Variants in CLSPN observed in about 807,000 individuals in gnomAD.
CLSPN encodes the protein claspin.
Under a neutral mutation model 156.3 loss-of-function variants are expected in CLSPN, and 85 were observed. The ratio of observed to expected loss-of-function variants is 0.54; its 90% CI spans 0.46 to 0.65. CLSPN has a LOEUF of 0.65. Among genes scored for constraint, CLSPN ranks in the 30% least tolerant of loss-of-function variants. The probability of loss-of-function intolerance (pLI) is 0.00; values close to 1 mark genes in which losing one functional copy is unlikely to be tolerated. For missense variants in CLSPN, 1,407 were observed against 1,554.9 expected, an observed-to-expected ratio of 0.90 and a Z score of 1.60; for synonymous variants, 534 against 542.4, an observed-to-expected ratio of 0.98 and a Z score of 0.22.
At chr1:35,757,902 A>G (rs1257320546) in intron 8 of CLSPN, among the ~76,000 whole-genome samples, 1 of 152,248 alleles carries the variant, frequency 6.6e-6, no homozygotes, top group Non-Finnish European at 1.5e-5. Context: ...CCATTCAATT[A>G]TCAGACTCAC....
At chr1:35,737,938 G>A in intron 22 of CLSPN, 54 bp downstream of exon 22, 1 of 996,586 alleles carries the variant, frequency 1.0e-6, no homozygotes, top group Non-Finnish European at 1.4e-6. Context: ...CACCTCCAAA[G>A]CTCTACCACT....
intron 8 of CLSPN, among the ~76,000 whole-genome samples, chr1:35,759,756 G>T (rs956322829): frequency 2.0e-5 from 3 of 151,496 alleles, no homozygotes; most frequent in Non-Finnish European, 4.4e-5. Flanking sequence ...GATTGGAAAG[G>T]CAGAAATAAT....
At chr1:35,727,611 C>T (rs1237467263), downstream of CLSPN, among the ~76,000 whole-genome samples, 1 of 152,208 alleles carries the variant, frequency 6.6e-6, no homozygotes, top group Non-Finnish European at 1.5e-5. Context: ...GTCTCAGTTA[C>T]CGGGGCTGTT....
intron 8 of CLSPN, among the ~76,000 whole-genome samples, chr1:35,755,943 C>T (rs1001076043): frequency 2.0e-5 from 3 of 152,114 alleles, no homozygotes; most frequent in Non-Finnish European, 2.9e-5. Flanking sequence ...GGCCTCAAAG[C>T]GAACTTCCCA....
Position 35,760,630 on chromosome 1 carries a change from C to T in CLSPN, c.1291G>A (p.Glu431Lys), listed in dbSNP as rs1266097984. The change falls in exon 8 of 25, where the codon GAA becomes AAA. Residue 431 changes from glutamate to lysine, a missense_variant. This residue lies in a region of CLSPN where 1,096 missense variants were observed against 1,193.0 expected (regional missense o/e 0.92). Transcript: ENST00000318121. ...TGATTGTTCCCGAGGAAGTTGGATT[C>T]CTGTTGCAACACTGAGCTGTCCCCA... The part of the protein sequence containing the change: ...SPGDSSVLQQ[E>K]SNFLGNNHSE... The T allele has an allele frequency of 6.2e-7, 1 of 1,614,202 alleles. No individual in the cohort carries two copies. The highest frequency in any genetic ancestry group is 2.2e-5 in the East Asian group (1 of 44,886).
At chr1:35,743,373 T>G in intron 17 of CLSPN, 82 bp downstream of exon 17, 1 of 1,414,410 alleles carries the variant, frequency 7.1e-7, no homozygotes, top group Non-Finnish European at 9.9e-7. Context: ...CTTAGAATTC[T>G]CAAGAACTGA....
downstream of CLSPN, among the ~76,000 whole-genome samples, chr1:35,730,567 TAAAAAAAAAAAA>T (rs56320150): frequency 1.1e-4 from 7 of 62,028 alleles, no homozygotes; most frequent in South Asian, 5.2e-4. Context: ...GAATCCATAT[TAAAAAAAAAAAA>T]AAAAAAAAAA....
chr1:35,756,453 C>G (rs1642273837), intron 8 of CLSPN, among the ~76,000 whole-genome samples: 1 of 152,190 alleles, frequency 6.6e-6, no homozygotes, highest in African/African-American at 2.4e-5. Flanking sequence ...TTTCTTTGGC[C>G]TTTATTACAT....
intron 14 of CLSPN, 68 bp from the exon 15 acceptor site, chr1:35,747,060 C>G (rs1571203985): frequency 8.4e-7 from 1 of 1,190,420 alleles, no homozygotes; most frequent in Non-Finnish European, 1.2e-6. Context: ...CGGTAGCTCA[C>G]GCCTGTAATC....
rs1269235468 is a variant in CLSPN at position 35,769,959 on chromosome 1, A to C, written c.-89T>G. The C allele has an allele frequency of 1.3e-6, 2 of 1,510,250 alleles. No homozygotes were observed. Among genetic ancestry groups the C allele is most frequent in the Non-Finnish European group, 1.8e-6 (2 of 1,099,156 alleles). 93.6% of individuals were successfully genotyped at this position (1,510,250 alleles called of 1,614,324 possible). Reference sequence around the variant, plus strand: ...CAGCGGCTCCCGCCGTCTCCAGCCCAGCAGTGCTGTTCTTGCTTTCCCGCC... The same window carrying C: ...CAGCGGCTCCCGCCGTCTCCAGCCCCGCAGTGCTGTTCTTGCTTTCCCGCC... On this transcript the variant is annotated 5_prime_UTR_variant, in exon 1 of 25. Coordinates refer to ENST00000318121, the MANE Select transcript of CLSPN (RefSeq NM_022111.4).
intron 3 of CLSPN, 61 bp downstream of exon 3, chr1:35,764,205 A>G (rs988907629): frequency 1.9e-6 from 2 of 1,063,490 alleles, no homozygotes; most frequent in Non-Finnish European, 2.7e-6. Flanking sequence ...AAGTACTAAC[A>G]GCAACCTTTT....
intron 10 of CLSPN, among the ~76,000 whole-genome samples, chr1:35,751,047 T>C (rs563041669): frequency 6.6e-6 from 1 of 151,590 alleles, no homozygotes; most frequent in African/African-American, 2.4e-5. Context: ...TGTATTCAGA[T>C]ATATAATGAT....
chr1:35,737,662 T>C (rs1348982357), intron 22 of CLSPN: 3 of 468,982 alleles, frequency 6.4e-6, no homozygotes, highest in Non-Finnish European at 1.1e-5. Flanking sequence ...AAGAGCTTCA[T>C]TTCTGGAGTT....
chr1:35,757,171 C>T (rs1642298975), intron 8 of CLSPN, among the ~76,000 whole-genome samples: 1 of 152,170 alleles, frequency 6.6e-6, no homozygotes, highest in Non-Finnish European at 1.5e-5. Flanking sequence ...TACCCTTCCT[C>T]TAGGTTCCCA....
At chr1:35,749,959 T>C in intron 10 of CLSPN, 148 bp from the exon 11 acceptor site, 1 of 923,514 alleles carries the variant, frequency 1.1e-6, no homozygotes, top group South Asian at 2.0e-5. Context: ...ATATGACCAT[T>C]ATCAACATAA....
At position 35,749,655 on chromosome 1, in the gene CLSPN, T is replaced by C; in HGVS notation, c.2185A>G (p.Lys729Glu). 1 of 1,614,172 alleles carries C rather than the reference T, an allele frequency of 6.2e-7. No homozygotes were observed. The highest frequency in any genetic ancestry group is 8.5e-7 in the Non-Finnish European group (1 of 1,180,022). Residue 729 changes from lysine to glutamate, a missense_variant, in exon 11 of 25, where the codon AAG becomes GAG. By Grantham distance (56) the Lys-to-Glu change is moderately conservative (BLOSUM62 1). Around this residue, in one of 3 missense-constraint regions of CLSPN, gnomAD observed 1,096 missense variants for 1,193.0 expected, o/e 0.92. Coordinates refer to ENST00000318121, the MANE Select transcript of CLSPN (RefSeq NM_022111.4). ...TACCCCATCTTGGAAGAGCTGTCCT[T>C]AAACAGAAGTAAAGTAGAATCTGAT... is the stretch of plus-strand genomic sequence containing the variant. ...LSSDSTLLLF[K>E]DSSSKMGYFP...
rs1368668508 is a variant in CLSPN at position 35,749,628 on chromosome 1, C to T, written c.2207+5G>A. On this transcript the variant is annotated splice_donor_5th_base_variant and intron_variant, in intron 11 of 24. Coordinates refer to ENST00000318121, the MANE Select transcript of CLSPN (RefSeq NM_022111.4). ...TTTTAAGTTTTCTTAGAGAGAATCA[C>T]TTACCCCATCTTGGAAGAGCTGTCC... The T allele has an allele frequency of 1.2e-6, 2 of 1,613,726 alleles. No individual in the cohort carries two copies. Among genetic ancestry groups the T allele is most frequent in the African/African-American group, 2.7e-5 (2 of 74,870 alleles).
intron 13 of CLSPN, 106 bp from the exon 14 acceptor site, chr1:35,748,167 G>T: frequency 7.5e-7 from 1 of 1,329,170 alleles, no homozygotes; most frequent in Non-Finnish European, 1.0e-6. Flanking sequence ...CTACTCTCAG[G>T]AAATTGTAGT....
intron 18 of CLSPN, among the ~76,000 whole-genome samples, chr1:35,739,861 GA>G (rs1641634154): frequency 6.6e-6 from 1 of 152,136 alleles, no homozygotes; most frequent in Admixed American, 6.6e-5. Flanking sequence ...TTTAAAAGTT[GA>G]TCACTTAATA....
Sources: gnomAD v4.1 joint callset for allele counts (sites outside exome capture counted in the v4.1 genomes callset) on GRCh38, gnomAD v4.1.1 for gene constraint, gnomAD v4.1.1 regional missense constraint, MANE v1.5 for transcripts, NCBI Gene and HGNC (gene_info 2026-07-23, HGNC 2026-07-21) for gene names.